PPP1R14C: variants seen among roughly 807,000 people sequenced by gnomAD.
The protein encoded by PPP1R14C is protein phosphatase 1 regulatory subunit 14C.
Under a neutral mutation model 20.4 loss-of-function variants are expected in PPP1R14C, and 16 were observed. The observed-to-expected ratio is 0.78, with a 90% CI of 0.53 to 1.19. The LOEUF (loss-of-function observed/expected upper bound fraction) is 1.19. Ranked by LOEUF, PPP1R14C falls within the 50% of genes most tolerant of loss-of-function variation. The probability of loss-of-function intolerance (pLI) is 0.00; values close to 1 mark genes in which losing one functional copy is unlikely to be tolerated. For synonymous variants in PPP1R14C, 91 were observed against 91.0 expected (o/e 1.00, Z 0.00); for missense variants, 211 against 220.1 (o/e 0.96, Z 0.26).
intron 1 of PPP1R14C, among the ~76,000 whole-genome samples, chr6:150,212,448 G>A (rs909933399): frequency 1.3e-5 from 2 of 150,578 alleles, no homozygotes; most frequent in African/African-American, 4.9e-5. Flanking sequence ...TGTAGGGCGA[G>A]GCTCTACACT....
At position 150,249,708 on chromosome 6, in the gene PPP1R14C, T is replaced by G. The variant is rs1778540930; in HGVS notation, c.*888T>G. 6 of 397,258 alleles carry G rather than the reference T, an allele frequency of 1.5e-5. No homozygotes were observed. Among genetic ancestry groups the G allele is most frequent in the Middle Eastern group, 6.3e-4 (1 of 1,582 alleles). The allele number at this position is 397,258 out of a possible 1,614,324, so 24.6% of individuals were successfully genotyped here. A position where few individuals can be genotyped will look rare whatever the true frequency, so the allele number is the denominator to read the frequency against. Reference sequence around the variant, plus strand: ...GTCTGCTTTCCACCGAGTACTGTGTTTATTCTCTCTCCAGGAAAGCAGATC... The same window carrying G: ...GTCTGCTTTCCACCGAGTACTGTGTGTATTCTCTCTCCAGGAAAGCAGATC... On this transcript the variant is annotated 3_prime_UTR_variant, in exon 4 of 4. Transcript: ENST00000361131.
At chr6:150,234,654 A>T (rs897471892) in intron 3 of PPP1R14C, among the ~76,000 whole-genome samples, 10 of 151,750 alleles carry the variant, frequency 6.6e-5, no homozygotes, top group African/African-American at 2.4e-4. Context: ...TTTGAGACCA[A>T]CCTGACCAAC....
chr6:150,175,717 T>C (rs1039571336), intron 1 of PPP1R14C, among the ~76,000 whole-genome samples: 1 of 152,192 alleles, frequency 6.6e-6, no homozygotes, highest in African/African-American at 2.4e-5. Flanking sequence ...TTTGACAGTA[T>C]CTAACCCAGT....
At chr6:150,164,255 A>G (rs943291348) in intron 1 of PPP1R14C, among the ~76,000 whole-genome samples, 2 of 152,180 alleles carry the variant, frequency 1.3e-5, no homozygotes, top group Non-Finnish European at 2.9e-5. Flanking sequence ...TCTTTTATAT[A>G]TCCTGGACAT....
chr6:150,221,221 A>G (rs1778162940), intron 3 of PPP1R14C, among the ~76,000 whole-genome samples: 1 of 152,190 alleles, frequency 6.6e-6, no homozygotes, highest in African/African-American at 2.4e-5. Context: ...ACTAACATAC[A>G]TTACTTTATT....
At chr6:150,218,297 G>A (rs1389992991) in intron 3 of PPP1R14C, among the ~76,000 whole-genome samples, 1 of 152,068 alleles carries the variant, frequency 6.6e-6, no homozygotes, top group African/African-American at 2.4e-5. Context: ...TAGCTACTCG[G>A]GAGGCTGAGG....
intron 3 of PPP1R14C, among the ~76,000 whole-genome samples, chr6:150,218,132 G>A (rs977663878): frequency 5.9e-5 from 9 of 152,084 alleles, no homozygotes; most frequent in African/African-American, 1.4e-4. Flanking sequence ...GGCCTGTCGC[G>A]GTGGCTCATG....
chr6:150,212,931 C>T (rs80322681), intron 1 of PPP1R14C, among the ~76,000 whole-genome samples: 17,634 of 152,190 alleles, frequency 0.12, 1,104 homozygotes, highest in Middle Eastern at 0.2. Context: ...GATGTTTGCC[C>T]AACGATGCTC....
At chr6:150,219,080 C>CTG (rs1778135185) in intron 3 of PPP1R14C, among the ~76,000 whole-genome samples, 2 of 151,854 alleles carry the variant, frequency 1.3e-5, no homozygotes, top group Admixed American at 1.3e-4. Flanking sequence ...AGTTATTTAA[C>CTG]AGTATTTTGT....
At chr6:150,243,621 A>G in intron 3 of PPP1R14C, among the ~76,000 whole-genome samples, 1 of 152,252 alleles carries the variant, frequency 6.6e-6, no homozygotes, top group South Asian at 2.1e-4. Context: ...TGGTATGGGT[A>G]TAAACATAGA....
At chr6:150,219,075 T>C (rs979456471) in intron 3 of PPP1R14C, among the ~76,000 whole-genome samples, 2 of 152,328 alleles carry the variant, frequency 1.3e-5, no homozygotes, top group East Asian at 3.9e-4. Flanking sequence ...TCATCAGTTA[T>C]TTAACAGTAT....
intron 1 of PPP1R14C, among the ~76,000 whole-genome samples, chr6:150,147,455 G>A (rs539447307): frequency 2.4e-3 from 360 of 151,856 alleles, no homozygotes; most frequent in Admixed American, 6.2e-3. Flanking sequence ...TGGGATTACA[G>A]GCATGAGCCA....
chr6:150,181,531 C>T (rs1033276422), intron 1 of PPP1R14C, among the ~76,000 whole-genome samples: 4 of 152,194 alleles, frequency 2.6e-5, no homozygotes, highest in African/African-American at 7.2e-5. Flanking sequence ...CCTGTCTCTT[C>T]GCTTACTTTA....
At chr6:150,160,057 A>G (rs1777347649) in intron 1 of PPP1R14C, among the ~76,000 whole-genome samples, 1 of 152,018 alleles carries the variant, frequency 6.6e-6, no homozygotes, top group Non-Finnish European at 1.5e-5. Flanking sequence ...TATGGGTTTG[A>G]GGGAGGAAGA....
intron 1 of PPP1R14C, among the ~76,000 whole-genome samples, chr6:150,169,955 G>C (rs1777478659): frequency 6.6e-6 from 1 of 152,204 alleles, no homozygotes; most frequent in African/African-American, 2.4e-5. Context: ...CAGCATACAG[G>C]CTTTTCCATG....
chr6:150,219,680 A>G (rs1282927794), intron 3 of PPP1R14C, among the ~76,000 whole-genome samples: 2 of 152,086 alleles, frequency 1.3e-5, no homozygotes, highest in Non-Finnish European at 2.9e-5. Context: ...CAATCTGGAG[A>G]AGTTTTTCTT....
intron 1 of PPP1R14C, among the ~76,000 whole-genome samples, chr6:150,207,411 C>T (rs1320180522): frequency 1.3e-5 from 2 of 152,188 alleles, no homozygotes; most frequent in Admixed American, 1.3e-4. Flanking sequence ...TGGGGCTGGG[C>T]CCTCGATTCG....
intron 1 of PPP1R14C, among the ~76,000 whole-genome samples, chr6:150,182,590 ACACT>A (rs1562263373): frequency 6.6e-6 from 1 of 152,182 alleles, no homozygotes. Flanking sequence ...GGGGACACAA[ACACT>A]CAGTCCATAG....
rs1251879943 is a variant in PPP1R14C at position 150,143,248 on chromosome 6, C to G, written c.56C>G (p.Ala19Gly). ...ETAGGASGGG[A>G]RVFFQSPRGG... ...GCCGGCGGGGCCAGCGGCGGCGGCGCACGGGTTTTCTTCCAAAGCCCCCGG... is the reference window on the plus strand; with the variant it reads ...GCCGGCGGGGCCAGCGGCGGCGGCGGACGGGTTTTCTTCCAAAGCCCCCGG... The change falls in exon 1 of 4, where the codon GCA becomes GGA. Residue 19 changes from alanine to glycine, a missense_variant. Coordinates refer to ENST00000361131, the MANE Select transcript of PPP1R14C (RefSeq NM_030949.3). The surrounding 1 kb of genome is among the most constrained non-coding windows in gnomAD (Gnocchi z 5.6). 6.3e-6 allele frequency: 9 copies of G among 1,417,952 alleles called. No individual in the cohort carries two copies. Among genetic ancestry groups the G allele is most frequent in the Non-Finnish European group, 9.1e-7 (1 of 1,098,202 alleles). 87.8% of individuals were successfully genotyped at this position (1,417,952 alleles called of 1,614,324 possible).
Sources: allele counts gnomAD v4.1 joint callset (sites outside exome capture counted in the v4.1 genomes callset), GRCh38; gene constraint gnomAD v4.1.1; non-coding constraint Gnocchi (gnomAD v3.1); transcripts MANE v1.5; gene names NCBI Gene and HGNC (gene_info 2026-07-23, HGNC 2026-07-21).